The following CTNND2 variants were observed in gnomAD, a reference collection of about 807,000 sequenced individuals.
CTNND2 encodes the protein catenin delta 2.
In CTNND2, 22 loss-of-function variants were observed where a neutral mutation model predicts 144.4. The ratio of observed to expected loss-of-function variants is 0.15; its 90% CI spans 0.11 to 0.22. CTNND2 has a LOEUF of 0.22. Among genes scored for constraint, CTNND2 ranks in the 10% least tolerant of loss-of-function variants. The probability of loss-of-function intolerance (pLI) is 1.00; values close to 1 mark genes in which losing one functional copy is unlikely to be tolerated. For synonymous variants in CTNND2, 751 were observed against 695.6 expected, an observed-to-expected ratio of 1.08 and a Z score of -1.25; for missense variants, 1,353 against 1,618.8, an observed-to-expected ratio of 0.84 and a Z score of 2.82.
intron 1 of CTNND2, among the ~76,000 whole-genome samples, chr5:11,746,464 T>G (rs1788322662): frequency 6.6e-6 from 1 of 152,096 alleles, no homozygotes; most frequent in South Asian, 2.1e-4. Flanking sequence ...ACTGTGATGA[T>G]CTTATCTCTT....
At chr5:11,899,518 C>A (rs977152297) in intron 1 of CTNND2, among the ~76,000 whole-genome samples, 1 of 152,082 alleles carries the variant, frequency 6.6e-6, no homozygotes, top group African/African-American at 2.4e-5. Context: ...ATAAGCAAAT[C>A]TGCATAATGA....
In CTNND2 at chr5:11,110,275, C is replaced by A. The variant is rs556636097; in HGVS notation, c.2463+583G>T. 2.8e-4 allele frequency among the ~76,000 whole-genome samples: 43 copies of A among 152,304 alleles called. No homozygotes were observed. In the South Asian group the frequency reaches 7.7e-3, roughly 27 times the overall value. On this transcript the variant is annotated intron_variant, in intron 14 of 21. Coordinates refer to ENST00000304623, the MANE Select transcript of CTNND2 (RefSeq NM_001332.4). ...TGAGGGCCATTCTGTTCTCAAGAGG[C>A]CTCCAGCTCCAGCTCAACATTGTTC...
intron 12 of CTNND2, among the ~76,000 whole-genome samples, chr5:11,146,280 C>G (rs1156602964): frequency 6.6e-6 from 1 of 152,138 alleles, no homozygotes; most frequent in African/African-American, 2.4e-5. Flanking sequence ...ACTGGGCCAA[C>G]AAGGAGAGGA....
intron 3 of CTNND2, among the ~76,000 whole-genome samples, chr5:11,435,069 C>G (rs1223639263): frequency 6.6e-6 from 1 of 151,922 alleles, no homozygotes; most frequent in Non-Finnish European, 1.5e-5. Flanking sequence ...AAATGGCTAC[C>G]TTGACTGATA....
chr5:11,595,014 A>G (rs1462085316), intron 2 of CTNND2, among the ~76,000 whole-genome samples: 5 of 152,232 alleles, frequency 3.3e-5, no homozygotes, highest in African/African-American at 1.2e-4. Flanking sequence ...AAAATTACAC[A>G]CAATTGACAG....
rs756790399 is a variant in CTNND2 at position 11,364,848 on chromosome 5, C to T, written c.1220G>A (p.Gly407Asp). 2 of 1,613,386 alleles carry T rather than the reference C, an allele frequency of 1.2e-6. No individual in the cohort carries two copies. Among genetic ancestry groups the T allele is most frequent in the Admixed American group, 3.3e-5 (2 of 59,924 alleles). The change falls in exon 8 of 22, where the codon GGC (glycine) becomes GAC (aspartate). Residue 407 changes from glycine to aspartate, a missense_variant. By Grantham distance (94) the Gly-to-Asp change is moderately conservative (BLOSUM62 -1). Transcript: ENST00000304623. The stretch of plus-strand genomic sequence containing the variant: ...GGACTGCAGGGCCCGCAACTCTGGG[C>T]CCAGGTGCCCATGCTGGCTGCTGTA... Reference protein sequence around the residue: ...ASYSSQHGHLGPELRALQSPE... With the variant: ...ASYSSQHGHLDPELRALQSPE...
chr5:11,887,750 C>T (rs1024241690), intron 1 of CTNND2, among the ~76,000 whole-genome samples: 10 of 152,126 alleles, frequency 6.6e-5, no homozygotes, highest in Non-Finnish European at 1.3e-4. Context: ...CACATTTAGT[C>T]CTCATGTCTC....
At chr5:11,184,962 G>T (rs772722303) in intron 11 of CTNND2, among the ~76,000 whole-genome samples, 2 of 152,172 alleles carry the variant, frequency 1.3e-5, no homozygotes, top group East Asian at 1.9e-4. Flanking sequence ...GCTGCTTTGC[G>T]CAGGAGTGCT....
In CTNND2 at chr5:10,988,152, C is replaced by T. The variant is rs762296438; in HGVS notation, c.3302G>A (p.Gly1101Glu). The T allele has an allele frequency of 6.2e-7, 1 of 1,614,200 alleles. No individual in the cohort carries two copies. The highest frequency in any genetic ancestry group is 1.3e-5 in the African/African-American group (1 of 75,070). Residue 1101 changes from glycine to glutamate, a missense_variant, in exon 20 of 22, where the codon GGA becomes GAA. Gly to Glu is a moderately conservative substitution (Grantham distance 98, BLOSUM62 -2). Transcript: ENST00000304623. This position sits in a 1 kb window ranked among gnomAD's most constrained non-coding sequence, Gnocchi z 5.9. The stretch of plus-strand genomic sequence containing the variant: ...CCTGGAAGTGTGTTCGCCTTTAGCT[C>T]CGTGGTAGGTGGCGTTGCTGCCGGT... ...ECTGSNATYH[G>E]AKGEHTSRKD... is the part of the protein sequence containing the mutation.
Position 11,115,338 on chromosome 5 carries a change from T to C in CTNND2, c.2277+2112A>G, listed in dbSNP as rs1309640285. Among the ~76,000 whole-genome samples, 8 of 152,346 alleles carry C rather than the reference T, an allele frequency of 5.3e-5. No individual in the cohort carries two copies. The South Asian group carries it at 1.0e-3, about 20-fold the overall frequency. On this transcript the variant is annotated intron_variant, in intron 13 of 21. Transcript: ENST00000304623. ...CTGGTGGCTGCACTTAGCCAAAGCATGAGGCTGTTGACTCTTATTTTATTT... is the reference window on the plus strand; with the variant it reads ...CTGGTGGCTGCACTTAGCCAAAGCACGAGGCTGTTGACTCTTATTTTATTT...
chr5:11,861,560 C>T (rs964304246), intron 1 of CTNND2, among the ~76,000 whole-genome samples: 3 of 152,188 alleles, frequency 2.0e-5, no homozygotes, highest in South Asian at 2.1e-4. Context: ...TTGTCCAAAC[C>T]GATGTCATCT....
chr5:11,614,805 C>G (rs1234255729), intron 2 of CTNND2, among the ~76,000 whole-genome samples: 1 of 152,180 alleles, frequency 6.6e-6, no homozygotes. Context: ...GGAGCCAGAC[C>G]TGCTGTAGCA....
intron 3 of CTNND2, among the ~76,000 whole-genome samples, chr5:11,439,993 A>G (rs1764129076): frequency 6.6e-6 from 1 of 151,990 alleles, no homozygotes; most frequent in Non-Finnish European, 1.5e-5. Flanking sequence ...ACATTTCTTA[A>G]GAGAGATGAC....
intron 2 of CTNND2, among the ~76,000 whole-genome samples, chr5:11,624,409 T>A (rs934310509): frequency 2.0e-5 from 3 of 152,132 alleles, no homozygotes; most frequent in Admixed American, 1.3e-4. Flanking sequence ...TATTTATGAA[T>A]AAAAATGTTG....
intron 1 of CTNND2, among the ~76,000 whole-genome samples, chr5:11,867,598 C>T (rs573305301): frequency 1.4e-3 from 212 of 152,098 alleles, no homozygotes; most frequent in African/African-American, 5.0e-3. Context: ...ACTCAAAAGA[C>T]CCACCAGTTT....
At chr5:11,253,742 C>T (rs889618362) in intron 9 of CTNND2, among the ~76,000 whole-genome samples, 1 of 152,146 alleles carries the variant, frequency 6.6e-6, no homozygotes, top group Non-Finnish European at 1.5e-5. Flanking sequence ...TTTGTTGATG[C>T]AATAAATAAA....
At chr5:11,893,338 G>A (rs1737134908) in intron 1 of CTNND2, among the ~76,000 whole-genome samples, 1 of 152,132 alleles carries the variant, frequency 6.6e-6, no homozygotes, top group African/African-American at 2.4e-5. Context: ...AAAAATAAAT[G>A]ACTAAACCAT....
chr5:11,633,077 A>G (rs1002390326), intron 2 of CTNND2, among the ~76,000 whole-genome samples: 2 of 152,230 alleles, frequency 1.3e-5, no homozygotes, highest in Admixed American at 1.3e-4. Context: ...AGGCATGAAA[A>G]TATCAAATGA....
At chr5:11,173,197 G>C (rs1009240762) in intron 11 of CTNND2, among the ~76,000 whole-genome samples, 1 of 152,244 alleles carries the variant, frequency 6.6e-6, no homozygotes, top group Non-Finnish European at 1.5e-5. Context: ...CCAACCACAG[G>C]GTTCAGCTAA....
Sources: gnomAD v4.1 joint callset for allele counts (sites outside exome capture counted in the v4.1 genomes callset) on GRCh38, gnomAD v4.1.1 for gene constraint, Gnocchi (gnomAD v3.1) non-coding constraint, MANE v1.5 for transcripts, NCBI Gene and HGNC (gene_info 2026-07-23, HGNC 2026-07-21) for gene names.